The following DMD variants were observed in gnomAD, a reference collection of about 807,000 sequenced individuals.
The protein encoded by DMD is dystrophin, also known as mutant dystrophin.
Under a neutral mutation model 330.1 loss-of-function variants are expected in DMD, and 63 were observed. The observed-to-expected ratio is 0.19, with a 90% CI of 0.16 to 0.24. DMD has a LOEUF of 0.24. Among genes scored for constraint, DMD ranks in the 10% least tolerant of loss-of-function variants. The pLI is 1.00. For missense variants in DMD, 3,344 were observed against 2,684.1 expected (o/e 1.25, Z -5.43); for synonymous variants, 1,223 against 959.8 (o/e 1.27, Z -5.07).
chrX:31,355,641 A>G (rs2058630645), intron 60 of DMD, among the ~76,000 whole-genome samples: 1 of 111,526 alleles, frequency 9.0e-6, no homozygotes, highest in South Asian at 3.8e-4. Context: ...CAGTTTGTAC[A>G]GTTTCTGTGT....
At chrX:32,603,725 T>C (rs1270220261) in intron 12 of DMD, among the ~76,000 whole-genome samples, 3 of 110,856 alleles carry the variant, frequency 2.7e-5, no homozygotes, top group African/African-American at 9.8e-5. Context: ...ACTATGGGCA[T>C]CTCTAGGTAC....
intron 44 of DMD, among the ~76,000 whole-genome samples, chrX:32,002,533 G>A (rs2095634198): frequency 9.0e-6 from 1 of 111,570 alleles, no homozygotes; most frequent in East Asian, 2.8e-4. Flanking sequence ...GTTTCAGTTT[G>A]TTAAGCCCAT....
chrX:31,697,800 A>C (rs746482981), intron 52 of DMD, among the ~76,000 whole-genome samples: 8 of 112,083 alleles, frequency 7.1e-5, no homozygotes, highest in African/African-American at 2.6e-4. Flanking sequence ...ACAGCACGAG[A>C]ATTAGAAGTC....
chrX:32,129,725 G>A (rs1381689304), intron 44 of DMD, among the ~76,000 whole-genome samples: 4 of 41,590 alleles, frequency 9.6e-5, no homozygotes, highest in African/African-American at 2.7e-4. Context: ...GAGAGAGAGG[G>A]AGGGAGAGAG....
chrX:32,182,445 G>A lies in DMD; in HGVS notation c.6438+34471C>T, dbSNP rs994489690. On this transcript the variant is annotated intron_variant, in intron 44 of 78. Coordinates refer to ENST00000357033, the MANE Select transcript of DMD (RefSeq NM_004006.3). ...TTGCAGATGGTAGTATTATCTGGAT[G>A]GTGCCTCATGAACAAACTTCAAAAG... is the stretch of plus-strand genomic sequence containing the variant. Among the ~76,000 whole-genome samples the A allele has an allele frequency of 4.5e-5, 5 of 111,293 alleles. 1 individual carries two copies. Among genetic ancestry groups the A allele is most frequent in the Non-Finnish European group, 9.4e-5 (5 of 52,993 alleles).
chrX:32,770,322 G>GA (rs1192517848), intron 7 of DMD, among the ~76,000 whole-genome samples: 7 of 111,527 alleles, frequency 6.3e-5, no homozygotes, highest in Non-Finnish European at 1.3e-4. Context: ...AGTTTTGGGG[G>GA]ATCATCCAGC....
At position 32,844,852 on chromosome X, in the gene DMD, T is replaced by G. The variant is rs1236571983; in HGVS notation, c.195A>C (p.Glu65Asp). ...EGLTGQKLPK[E>D]KGSTRVHALN... ...GGGCATGAACTCTTGTGGATCCTTT[T>G]TCTTTTGGCTGAGAACAAAACAAAA... Residue 65 changes from glutamate to aspartate, a missense_variant, in exon 4 of 79, where the codon GAA (glutamate) becomes GAC (aspartate). Transcript: ENST00000357033. 1.7e-6 allele frequency: 2 copies of G among 1,208,423 alleles called. No individual in the cohort carries two copies. The highest frequency in any genetic ancestry group is 3.5e-5 in the African/African-American group (2 of 57,113).
chrX:32,081,882 C>A, intron 44 of DMD, among the ~76,000 whole-genome samples: 1 of 110,781 alleles, frequency 9.0e-6, no homozygotes, highest in East Asian at 2.8e-4. Context: ...ATAATAACAA[C>A]AAATAAAGTA....
intron 45 of DMD, among the ~76,000 whole-genome samples, chrX:31,943,282 A>G (rs763332173): frequency 7.0e-4 from 79 of 112,320 alleles, no homozygotes; most frequent in African/African-American, 2.3e-3. Context: ...GTTCTGATAT[A>G]AGAAAATCTG....
At chrX:32,707,266 G>T (rs933858478) in intron 7 of DMD, among the ~76,000 whole-genome samples, 6 of 112,204 alleles carry the variant, frequency 5.3e-5, no homozygotes, top group African/African-American at 1.6e-4. Flanking sequence ...GGGAAAGGAA[G>T]TTACGAATAA....
intron 26 of DMD, among the ~76,000 whole-genome samples, chrX:32,450,735 G>C (rs1028438192): frequency 9.0e-6 from 1 of 110,672 alleles, no homozygotes; most frequent in African/African-American, 3.3e-5. Flanking sequence ...GCTGAAGAAG[G>C]AGCATGCTGT....
intron 1 of DMD, among the ~76,000 whole-genome samples, chrX:33,115,362 G>A (rs1330699280): frequency 2.7e-5 from 3 of 111,017 alleles, no homozygotes; most frequent in Admixed American, 1.9e-4. Flanking sequence ...CATAGACAAG[G>A]GGATAATTTT....
At chrX:33,314,695 C>T (rs1360447804) in intron 1 of DMD, among the ~76,000 whole-genome samples, 1 of 106,517 alleles carries the variant, frequency 9.4e-6, no homozygotes, top group Non-Finnish European at 1.9e-5. Flanking sequence ...TGCCTACATT[C>T]CTTGATTCAT....
intron 29 of DMD, among the ~76,000 whole-genome samples, chrX:32,430,359 T>G (rs1408909379): frequency 2.7e-5 from 3 of 111,667 alleles, no homozygotes; most frequent in African/African-American, 6.5e-5. Context: ...CTTGGAAACT[T>G]TCCTTTAATA....
At chrX:32,264,990 C>A (rs1426110540) in intron 43 of DMD, among the ~76,000 whole-genome samples, 1 of 112,490 alleles carries the variant, frequency 8.9e-6, no homozygotes, top group African/African-American at 3.2e-5. Context: ...AAGAAAAACT[C>A]ATTTTCTGAG....
intron 1 of DMD, among the ~76,000 whole-genome samples, chrX:33,151,831 A>G (rs913030540): frequency 8.9e-6 from 1 of 112,547 alleles, no homozygotes; most frequent in African/African-American, 3.2e-5. Flanking sequence ...AACAAAAACT[A>G]GAACAAAGTG....
At position 31,658,100 on chromosome X, in the gene DMD, C is replaced by T. The variant is rs368521550; in HGVS notation, c.7917G>A (p.Val2639=). The T allele has an allele frequency of 8.3e-7, 1 of 1,211,732 alleles. No individual in the cohort carries two copies. Among genetic ancestry groups the T allele is most frequent in the Non-Finnish European group, 1.1e-6 (1 of 895,389 alleles). Residue 2639 remains valine, a synonymous_variant, in exon 54 of 79, where the codon GTG becomes GTA. Coordinates refer to ENST00000357033, the MANE Select transcript of DMD (RefSeq NM_004006.3). ...GAAGTTTCAGGGCCAAGTCATTTGC[C>T]ACATCTACATTTGTCTGCCACTGGC... is the stretch of plus-strand genomic sequence containing the variant. ...DLRQWQTNVD[V]ANDLALKLLR... is the part of the protein sequence containing the mutation.
chrX:33,125,021 TC>T (rs1269506372), intron 1 of DMD, among the ~76,000 whole-genome samples: 2 of 21,564 alleles, frequency 9.3e-5, no homozygotes, highest in East Asian at 1.6e-3. Context: ...CGAAAGTCCA[TC>T]TAAAAAAAAA....
At chrX:31,658,404 T>C (rs2080915801) in intron 53 of DMD, among the ~76,000 whole-genome samples, 1 of 111,841 alleles carries the variant, frequency 8.9e-6, no homozygotes, top group South Asian at 3.7e-4. Flanking sequence ...TAATTGGCAA[T>C]AAAGTGGGCT....
Sources: gnomAD v4.1 joint callset for allele counts (sites outside exome capture counted in the v4.1 genomes callset) on GRCh38, gnomAD v4.1.1 for gene constraint, MANE v1.5 for transcripts, NCBI Gene and HGNC (gene_info 2026-07-23, HGNC 2026-07-21) for gene names.